The following INPP4B variants were observed in gnomAD, a reference collection of about 807,000 sequenced individuals.
INPP4B encodes the protein inositol polyphosphate-4-phosphatase type II B, also known as inositol polyphosphate 4-phosphatase type II.
In INPP4B, 55 loss-of-function variants were observed where a neutral mutation model predicts 122.5. That is an observed-to-expected ratio of 0.45 (90% CI 0.36 to 0.56). The LOEUF (loss-of-function observed/expected upper bound fraction) is 0.56. INPP4B is among the 20% of genes least tolerant of loss of function. The pLI is 0.00. For missense variants in INPP4B, 1,000 were observed against 1,097.7 expected (o/e 0.91, Z 1.26); for synonymous variants, 403 against 388.7 (o/e 1.04, Z -0.43).
intron 11 of INPP4B, among the ~76,000 whole-genome samples, chr4:142,252,434 C>G (rs962602051): frequency 6.6e-6 from 1 of 151,804 alleles, no homozygotes; most frequent in African/African-American, 2.4e-5. Flanking sequence ...GTGATCCGCC[C>G]GCCTCGGCCT....
At chr4:142,111,560 T>A (rs1790097145) in intron 22 of INPP4B, among the ~76,000 whole-genome samples, 1 of 152,006 alleles carries the variant, frequency 6.6e-6, no homozygotes, top group South Asian at 2.1e-4. Flanking sequence ...TTGGCCAGGC[T>A]GGTCTTGAAC....
intron 1 of INPP4B, among the ~76,000 whole-genome samples, chr4:142,833,044 G>A (rs1782357135): frequency 6.6e-6 from 1 of 151,680 alleles, no homozygotes; most frequent in Admixed American, 6.6e-5. Flanking sequence ...TTGTTTGGAA[G>A]GTTTTTTTCT....
intron 25 of INPP4B, chr4:142,029,576 C>T (rs1738525334): frequency 3.0e-6 from 3 of 985,372 alleles, no homozygotes; most frequent in African/African-American, 1.7e-5. Flanking sequence ...ACAAGAGATA[C>T]AAACAGGTAA....
intron 9 of INPP4B, 131 bp downstream of exon 9, chr4:142,305,327 G>C: frequency 1.5e-6 from 1 of 671,676 alleles, no homozygotes; most frequent in Non-Finnish European, 2.6e-6. Flanking sequence ...ACTTGCTGCA[G>C]TGGAGAACAT....
intron 2 of INPP4B, among the ~76,000 whole-genome samples, chr4:142,702,299 TTCTTGTTGATGAGACCC>T (rs1761899227): frequency 6.6e-6 from 1 of 152,224 alleles, no homozygotes; most frequent in Non-Finnish European, 1.5e-5. Flanking sequence ...GTTCACAGAA[TTCTTGTTGATGAGACCC>T]TCTTAAAAAT....
rs142372856 is a variant in INPP4B at position 142,646,380 on chromosome 4, G to GA, written c.-191+79458dup. On this transcript the variant is annotated intron_variant, in intron 2 of 25. Coordinates refer to ENST00000262992, the MANE Select transcript of INPP4B (RefSeq NM_001101669.3). The stretch of plus-strand genomic sequence containing the variant: ...TTTTAAAAAAGAAGAAGAAAAACAA[G>GA]AAAAAAAGATTACAGGCAAAAGATC... Among the ~76,000 whole-genome samples, 3 of 151,880 alleles carry GA rather than the reference G, an allele frequency of 2.0e-5. No homozygotes were observed. In the South Asian group the frequency reaches 6.2e-4, roughly 32 times the overall value.
chr4:142,684,502 A>G (rs1028797830), intron 2 of INPP4B, among the ~76,000 whole-genome samples: 1 of 151,984 alleles, frequency 6.6e-6, no homozygotes, highest in Non-Finnish European at 1.5e-5. Flanking sequence ...CCTCTCCCCC[A>G]TACCCACTCC....
At chr4:142,177,676 A>G (rs1828944789) in intron 15 of INPP4B, among the ~76,000 whole-genome samples, 1 of 152,198 alleles carries the variant, frequency 6.6e-6, no homozygotes, top group African/African-American at 2.4e-5. Flanking sequence ...AATATATTTA[A>G]TATTATTTTC....
chr4:142,228,258 A>G (rs1478360982), intron 12 of INPP4B, among the ~76,000 whole-genome samples: 1 of 152,094 alleles, frequency 6.6e-6, no homozygotes, highest in East Asian at 1.9e-4. Context: ...AATTAAGACA[A>G]CAGGAAATGT....
chr4:142,666,736 T>A (rs1394423262), intron 2 of INPP4B, among the ~76,000 whole-genome samples: 2 of 152,186 alleles, frequency 1.3e-5, no homozygotes, highest in East Asian at 3.9e-4. Context: ...CAGCACTGGC[T>A]TTGAGAGCAA....
chr4:142,312,491 C>T (rs2151293625), intron 8 of INPP4B, among the ~76,000 whole-genome samples: 1 of 152,320 alleles, frequency 6.6e-6, no homozygotes, highest in East Asian at 1.9e-4. Context: ...ATTGTCTCTC[C>T]TTTGAGAATC....
chr4:142,482,723 AG>A (rs976850124), intron 2 of INPP4B, among the ~76,000 whole-genome samples: 26 of 152,090 alleles, frequency 1.7e-4, no homozygotes, highest in African/African-American at 6.0e-4. Flanking sequence ...CTTTGTACTG[AG>A]ATTAAAGCCT....
In INPP4B at chr4:142,319,014, C is replaced by T. The variant is rs10031824; in HGVS notation, c.373-4252G>A. Among the ~76,000 whole-genome samples the T allele has an allele frequency of 8.5e-3, 1,294 of 152,256 alleles. 18 individuals carry two copies. The highest frequency in any genetic ancestry group is 0.029 in the African/African-American group (1,216 of 41,526). ...TGCTGTCCTGAGGGTGGGAGGACAG[C>T]GAGGACTGCTCCATTTTTTGCAGGT... On this transcript the variant is annotated intron_variant, in intron 7 of 25. Coordinates refer to ENST00000262992, the MANE Select transcript of INPP4B (RefSeq NM_001101669.3).
intron 12 of INPP4B, among the ~76,000 whole-genome samples, chr4:142,221,244 C>A (rs1579334017): frequency 6.6e-6 from 1 of 151,688 alleles, no homozygotes; most frequent in East Asian, 2.0e-4. Context: ...CTAAAAAATA[C>A]AAAAAATTAG....
intron 2 of INPP4B, among the ~76,000 whole-genome samples, chr4:142,568,091 C>G (rs577063253): frequency 6.6e-6 from 1 of 152,054 alleles, no homozygotes; most frequent in Admixed American, 6.6e-5. Context: ...CCTCTGCATT[C>G]TTTCCCTCTG....
intron 7 of INPP4B, among the ~76,000 whole-genome samples, chr4:142,359,407 T>C (rs1412588245): frequency 6.6e-6 from 1 of 151,958 alleles, no homozygotes; most frequent in Non-Finnish European, 1.5e-5. Context: ...TAAATAATTA[T>C]AAATGCCTAG....
chr4:142,824,484 C>A (rs1389376658), intron 1 of INPP4B, among the ~76,000 whole-genome samples: 1 of 152,064 alleles, frequency 6.6e-6, no homozygotes. Context: ...TTGCCTTCAA[C>A]CTATTCAATT....
At chr4:142,832,985 T>TATTA (rs1200988077) in intron 1 of INPP4B, among the ~76,000 whole-genome samples, 1 of 152,130 alleles carries the variant, frequency 6.6e-6, no homozygotes, top group Non-Finnish European at 1.5e-5. Flanking sequence ...TACATGATAA[T>TATTA]ACGCACAAAG....
intron 2 of INPP4B, among the ~76,000 whole-genome samples, chr4:142,686,015 T>G (rs1759296696): frequency 1.3e-5 from 2 of 152,108 alleles, no homozygotes; most frequent in Non-Finnish European, 2.9e-5. Flanking sequence ...CTTTGAATTC[T>G]GAATACACCA....
Sources: gnomAD v4.1 joint callset for allele counts (sites outside exome capture counted in the v4.1 genomes callset) on GRCh38, gnomAD v4.1.1 for gene constraint, MANE v1.5 for transcripts, NCBI Gene and HGNC (gene_info 2026-07-23, HGNC 2026-07-21) for gene names.